The following SCAPER variants were observed in gnomAD, a reference collection of about 807,000 sequenced individuals.
SCAPER encodes the protein S phase cyclin A-associated protein in the endoplasmic reticulum.
SCAPER carries 98 observed loss-of-function variants against 182.2 expected under a neutral mutation model. That is an observed-to-expected ratio of 0.54 (90% CI 0.46 to 0.64). The LOEUF (loss-of-function observed/expected upper bound fraction) is 0.64. Among genes scored for constraint, SCAPER ranks in the 30% least tolerant of loss-of-function variants. The pLI, the probability that SCAPER is intolerant of heterozygous loss-of-function variation, is 0.00. For synonymous variants in SCAPER, 605 were observed against 564.6 expected (o/e 1.07, Z -1.01); for missense variants, 1,432 against 1,690.0 (o/e 0.85, Z 2.68).
At chr15:76,687,944 G>A (rs2058123426) in intron 20 of SCAPER, among the ~76,000 whole-genome samples, 4 of 152,094 alleles carry the variant, frequency 2.6e-5, no homozygotes, top group African/African-American at 9.7e-5. Flanking sequence ...ATAATCCTTT[G>A]GGTATATACC....
chr15:76,590,047 G>A (rs548384367), intron 22 of SCAPER, among the ~76,000 whole-genome samples: 3 of 152,288 alleles, frequency 2.0e-5, no homozygotes, highest in South Asian at 2.1e-4. Context: ...CCAGTGGATC[G>A]TAGGAGCAAT....
At chr15:76,489,883 AAAT>A in intron 24 of SCAPER, among the ~76,000 whole-genome samples, 1 of 152,210 alleles carries the variant, frequency 6.6e-6, no homozygotes, top group South Asian at 2.1e-4. Context: ...CATATAAACA[AAAT>A]CATGGAGTAT....
intron 24 of SCAPER, among the ~76,000 whole-genome samples, chr15:76,498,017 A>AAAAT: frequency 6.8e-6 from 1 of 148,066 alleles, no homozygotes; most frequent in Admixed American, 6.7e-5. Context: ...AAAAAAAAAA[A>AAAAT]AAATAAGCAC....
At chr15:76,472,702 T>A (rs1246408339) in intron 24 of SCAPER, among the ~76,000 whole-genome samples, 2 of 152,130 alleles carry the variant, frequency 1.3e-5, no homozygotes. Context: ...TTTACTGTTG[T>A]ATTGTGGGGA....
intron 25 of SCAPER, among the ~76,000 whole-genome samples, chr15:76,453,861 G>A (rs2048540332): frequency 6.6e-6 from 1 of 152,130 alleles, no homozygotes; most frequent in Admixed American, 6.5e-5. Context: ...AAGATACTTG[G>A]AGAATGATCC....
intron 15 of SCAPER, 125 bp downstream of exon 15, chr15:76,753,683 T>C: frequency 9.2e-7 from 1 of 1,083,218 alleles, no homozygotes; most frequent in Admixed American, 2.6e-5. Context: ...TAAATGAGTG[T>C]GTAAAATGCT....
chr15:76,591,041 G>C (rs1165084566), intron 22 of SCAPER, among the ~76,000 whole-genome samples: 1 of 152,200 alleles, frequency 6.6e-6, no homozygotes, highest in Non-Finnish European at 1.5e-5. Context: ...AACTGCAGGC[G>C]AGGTGGTGAA....
rs1196604496 is a variant in SCAPER, at chr15:76,767,230, G to T, written c.1249-142C>A. 4 of 792,780 alleles carry T rather than the reference G, an allele frequency of 5.0e-6. No individual in the cohort carries two copies. The African/African-American group carries it at 5.4e-5, about 11-fold the overall frequency. 49.1% of individuals were successfully genotyped at this position (792,780 alleles called of 1,614,324 possible). On this transcript the variant is annotated intron_variant, in intron 10 of 31. Transcript: ENST00000563290. Reference sequence around the variant, plus strand: ...TCATAAAAGCTGGGGTTCCATACAGGCTCATCCACTTACTAGCTGTGTGCC... The same window carrying T: ...TCATAAAAGCTGGGGTTCCATACAGTCTCATCCACTTACTAGCTGTGTGCC...
intron 8 of SCAPER, among the ~76,000 whole-genome samples, chr15:76,786,847 T>C (rs2064647842): frequency 6.6e-6 from 1 of 152,218 alleles, no homozygotes. Context: ...TGCATTTCTA[T>C]ATACTAATAA....
intron 27 of SCAPER, among the ~76,000 whole-genome samples, chr15:76,396,560 ATTTAAC>A (rs1327870221): frequency 2.6e-5 from 4 of 152,198 alleles, no homozygotes; most frequent in East Asian, 1.9e-4. Context: ...ATTTCTACAT[ATTTAAC>A]TTTATTTGTG....
intron 23 of SCAPER, 92 bp downstream of exon 23, chr15:76,574,066 A>G (rs911422420): frequency 1.5e-6 from 2 of 1,290,774 alleles, no homozygotes; most frequent in Non-Finnish European, 2.1e-6. Context: ...GAAGAAAGGT[A>G]TATACTGAGT....
At chr15:76,745,487 G>C (rs1024317740) in intron 15 of SCAPER, among the ~76,000 whole-genome samples, 6 of 151,748 alleles carry the variant, frequency 4.0e-5, no homozygotes, top group African/African-American at 1.5e-4. Context: ...AAACAAATTT[G>C]CCTATGGAGT....
At chr15:76,686,507 C>G (rs1042702216) in intron 20 of SCAPER, among the ~76,000 whole-genome samples, 23 of 152,068 alleles carry the variant, frequency 1.5e-4, no homozygotes, top group African/African-American at 5.3e-4. Flanking sequence ...AGGATCATCT[C>G]TAAAATTGAA....
intron 8 of SCAPER, among the ~76,000 whole-genome samples, chr15:76,784,011 C>G (rs2064377323): frequency 6.6e-6 from 1 of 152,160 alleles, no homozygotes; most frequent in Non-Finnish European, 1.5e-5. Context: ...TCCTCTTCAA[C>G]ACAGTGTTGG....
At chr15:76,404,475 G>T in intron 27 of SCAPER, 49 bp downstream of exon 27, 1 of 1,541,004 alleles carries the variant, frequency 6.5e-7, no homozygotes, top group Non-Finnish European at 8.8e-7. Context: ...CAAAATTCAA[G>T]AGATGTTCCA....
chr15:76,722,615 G>C (rs1003817839), intron 17 of SCAPER, among the ~76,000 whole-genome samples: 1 of 152,130 alleles, frequency 6.6e-6, no homozygotes, highest in Non-Finnish European at 1.5e-5. Flanking sequence ...GCCTGTTATT[G>C]GTCTATTCAG....
chr15:76,464,131 C>A (rs1040610868), intron 25 of SCAPER, among the ~76,000 whole-genome samples: 4 of 149,850 alleles, frequency 2.7e-5, no homozygotes, highest in African/African-American at 9.8e-5. Context: ...TTTTTCATCT[C>A]ACTTGACTGA....
At chr15:76,371,933 T>A (rs574937266) in intron 29 of SCAPER, among the ~76,000 whole-genome samples, 1 of 151,764 alleles carries the variant, frequency 6.6e-6, no homozygotes, top group East Asian at 1.9e-4. Context: ...AAAAAATAAA[T>A]AAATATTATG....
At chr15:76,641,851 C>G (rs768368926) in intron 21 of SCAPER, among the ~76,000 whole-genome samples, 4 of 152,308 alleles carry the variant, frequency 2.6e-5, no homozygotes, top group South Asian at 2.1e-4. Context: ...TGATCATCAT[C>G]ATTATCATCA....
Sources: gnomAD v4.1 joint callset for allele counts (sites outside exome capture counted in the v4.1 genomes callset) on GRCh38, gnomAD v4.1.1 for gene constraint, MANE v1.5 for transcripts, NCBI Gene and HGNC (gene_info 2026-07-23, HGNC 2026-07-21) for gene names.